DMXL1: variants seen among roughly 807,000 people sequenced by gnomAD.
DMXL1 encodes dmX-like protein 1.
Under a neutral mutation model 319.2 loss-of-function variants are expected in DMXL1, and 99 were observed. The ratio of observed to expected loss-of-function variants is 0.31; its 90% confidence interval spans 0.26 to 0.37. The LOEUF (loss-of-function observed/expected upper bound fraction) is 0.37. DMXL1 is among the 10% of genes least tolerant of loss of function. The probability of loss-of-function intolerance (pLI) is 1.00; values close to 1 mark genes in which losing one functional copy is unlikely to be tolerated. For missense variants in DMXL1, 3,745 were observed against 3,595.6 expected, an observed-to-expected ratio of 1.04 and a Z score of -1.06; for synonymous variants, 1,385 against 1,235.2, an observed-to-expected ratio of 1.12 and a Z score of -2.54.
intron 4 of DMXL1, among the ~76,000 whole-genome samples, chr5:119,109,253 T>G (rs1441865421): frequency 1.3e-5 from 2 of 152,248 alleles, no homozygotes; most frequent in Non-Finnish European, 2.9e-5. Flanking sequence ...CTTTGAAATT[T>G]CGATGTAAGT....
At chr5:119,136,191 T>G (rs1765958582) in intron 13 of DMXL1, among the ~76,000 whole-genome samples, 1 of 152,244 alleles carries the variant, frequency 6.6e-6, no homozygotes, top group Non-Finnish European at 1.5e-5. Flanking sequence ...GGCCCTGCTC[T>G]AGAGATCTGT....
At chr5:119,117,367 A>G (rs1281323151) in intron 7 of DMXL1, among the ~76,000 whole-genome samples, 2 of 151,992 alleles carry the variant, frequency 1.3e-5, no homozygotes, top group Non-Finnish European at 2.9e-5. Flanking sequence ...CTATATGGCC[A>G]TTTTCAACTT....
chr5:119,220,421 CTA>C (rs762909511), intron 35 of DMXL1, 49 bp from the exon 36 acceptor site: 4 of 1,577,690 alleles, frequency 2.5e-6, no homozygotes, highest in Non-Finnish European at 3.5e-6. Context: ...AGCTCATATA[CTA>C]TCTCTTTTGC....
chr5:119,170,282 T>A lies in DMXL1; in HGVS notation c.5491T>A (p.Ser1831Thr), dbSNP rs200947152. ...PLLLRRHFGS[S>T]DTFSTHMSLT... ...TTTGCTGAGACGTCATTTTGGATCA[T>A]CTGATACATTTTCCACACATATGAG... Residue 1831 changes from serine (S) to threonine (T), a missense_variant, in exon 24 of 44, where the codon TCT (serine) becomes ACT (threonine). By Grantham distance (58) the Ser-to-Thr change is moderately conservative. This residue lies in a region of DMXL1 where 1,382 missense variants were observed against 1,269.5 expected (regional missense o/e 1.09). Coordinates refer to ENST00000539542, the MANE Select transcript of DMXL1 (RefSeq NM_001290321.3). 915 of 1,613,932 alleles carry A rather than the reference T, an allele frequency of 5.7e-4. No homozygotes were observed. The highest frequency in any genetic ancestry group is 6.4e-4 in the Non-Finnish European group (757 of 1,179,950).
intron 9 of DMXL1, among the ~76,000 whole-genome samples, chr5:119,124,232 T>A (rs1246391466): frequency 1.3e-5 from 2 of 151,712 alleles, no homozygotes; most frequent in African/African-American, 4.8e-5. Context: ...GGAGAATTGC[T>A]TGAACCTGGA....
chr5:119,189,871 CTATT>C lies in DMXL1; in HGVS notation c.7301_7304del (p.Tyr2434SerfsTer2). ...TCCCACCTGAGCTCAGTATCTGGGACTATTTCATAGCTAAGGTAATTAAAATGCT... is the reference window on the plus strand; with the variant it reads ...TCCCACCTGAGCTCAGTATCTGGGACTCATAGCTAAGGTAATTAAAATGCT... On this transcript the variant is annotated frameshift_variant, in exon 29 of 44. Coordinates refer to ENST00000539542, the MANE Select transcript of DMXL1 (RefSeq NM_001290321.3). LOFTEE classifies it high-confidence loss of function. 2 of 1,613,556 alleles carry C rather than the reference CTATT, an allele frequency of 1.2e-6. No individual in the cohort carries two copies. The highest frequency in any genetic ancestry group is 1.7e-6 in the Non-Finnish European group (2 of 1,179,656).
At chr5:119,177,533 CT>C in intron 27 of DMXL1, 49 bp downstream of exon 27, 1 of 1,474,504 alleles carries the variant, frequency 6.8e-7, no homozygotes, top group Non-Finnish European at 9.1e-7. Flanking sequence ...TATTTATAAT[CT>C]TAGATAAGTA....
chr5:119,216,525 T>G (rs1021386399), intron 34 of DMXL1, among the ~76,000 whole-genome samples: 1 of 152,224 alleles, frequency 6.6e-6, no homozygotes, highest in African/African-American at 2.4e-5. Flanking sequence ...ATTGACTATC[T>G]GACCTTTTAA....
At chr5:119,228,116 C>T (rs902809889) in intron 38 of DMXL1, among the ~76,000 whole-genome samples, 12 of 152,112 alleles carry the variant, frequency 7.9e-5, no homozygotes, top group Non-Finnish European at 1.5e-4. Flanking sequence ...AATTCTTGTT[C>T]GACTTGATCT....
intron 19 of DMXL1, among the ~76,000 whole-genome samples, chr5:119,157,187 T>C (rs560393988): frequency 6.6e-6 from 1 of 152,296 alleles, no homozygotes; most frequent in South Asian, 2.1e-4. Flanking sequence ...TTCTTGCTAT[T>C]GGGTTACTTG....
At chr5:119,081,570 A>G (rs1182642946) in intron 1 of DMXL1, 4 of 985,268 alleles carry the variant, frequency 4.1e-6, no homozygotes, top group Non-Finnish European at 4.8e-6. Context: ...TTTTGTTTTT[A>G]TAGGAGGAAT....
intron 13 of DMXL1, among the ~76,000 whole-genome samples, chr5:119,136,968 G>A (rs1196081589): frequency 6.6e-6 from 1 of 152,208 alleles, no homozygotes; most frequent in Non-Finnish European, 1.5e-5. Flanking sequence ...GGGAGAAGAG[G>A]ACCACCATCA....
At chr5:119,141,704 A>G (rs1333144573) in intron 13 of DMXL1, among the ~76,000 whole-genome samples, 3 of 152,304 alleles carry the variant, frequency 2.0e-5, no homozygotes, top group African/African-American at 7.2e-5. Flanking sequence ...AAATTTACAG[A>G]TTCAATGCTA....
At chr5:119,204,088 C>G (rs1781323733) in intron 33 of DMXL1, among the ~76,000 whole-genome samples, 1 of 152,108 alleles carries the variant, frequency 6.6e-6, no homozygotes, top group Admixed American at 6.6e-5. Context: ...TCCCAAAGTG[C>G]TAGGATTACA....
chr5:119,220,007 CTTCT>C (rs1186562750), intron 35 of DMXL1, among the ~76,000 whole-genome samples: 1 of 60,962 alleles, frequency 1.6e-5, no homozygotes, highest in African/African-American at 7.5e-5. Context: ...CCCTTTCCCA[CTTCT>C]TTTTTTTTTT....
At chr5:119,228,534 C>A (rs780474381) in intron 38 of DMXL1, among the ~76,000 whole-genome samples, 1 of 152,080 alleles carries the variant, frequency 6.6e-6, no homozygotes, top group Non-Finnish European at 1.5e-5. Flanking sequence ...ATAGTATATA[C>A]CCATACAAAT....
chr5:119,077,479 GTTTTTTTTT>G (rs774672621), intron 1 of DMXL1, among the ~76,000 whole-genome samples: 1 of 70,174 alleles, frequency 1.4e-5, no homozygotes, highest in Non-Finnish European at 2.6e-5. Flanking sequence ...TTCATCTTAG[GTTTTTTTTT>G]TTTTTTTTTT....
At chr5:119,195,911 A>C (rs997144915) in intron 30 of DMXL1, among the ~76,000 whole-genome samples, 1 of 152,188 alleles carries the variant, frequency 6.6e-6, no homozygotes, top group Admixed American at 6.5e-5. Flanking sequence ...CATCCTCTAC[A>C]GCTAACCACT....
At chr5:119,077,535 T>C (rs1751178497) in intron 1 of DMXL1, among the ~76,000 whole-genome samples, 1 of 135,488 alleles carries the variant, frequency 7.4e-6, no homozygotes, top group African/African-American at 2.7e-5. Flanking sequence ...TCACCCAGGC[T>C]GGAGTACAGT....
Sources: gnomAD v4.1 joint callset for allele counts (sites outside exome capture counted in the v4.1 genomes callset) on GRCh38, gnomAD v4.1.1 for gene constraint, gnomAD v4.1.1 regional missense constraint, MANE v1.5 for transcripts, NCBI Gene and HGNC (gene_info 2026-07-23, HGNC 2026-07-21) for gene names.